The following WDR70 variants were observed in gnomAD, a reference collection of about 807,000 sequenced individuals.
WDR70 encodes the protein WD repeat-containing protein 70.
In WDR70, 53 loss-of-function variants were observed where a neutral mutation model predicts 88.6. The ratio of observed to expected loss-of-function variants is 0.60; its 90% CI spans 0.48 to 0.75. The LOEUF (loss-of-function observed/expected upper bound fraction) is 0.75, where lower values mean the gene tolerates loss of function less well. WDR70 is among the 30% of genes least tolerant of loss of function. The pLI is 0.00. For synonymous variants in WDR70, 280 were observed against 270.0 expected (o/e 1.04, Z -0.36); for missense variants, 610 against 823.2 (o/e 0.74, Z 3.17).
chr5:37,582,973 G>T (rs1266923213), intron 9 of WDR70, among the ~76,000 whole-genome samples: 2 of 152,190 alleles, frequency 1.3e-5, no homozygotes, highest in Non-Finnish European at 2.9e-5. Context: ...TTGCTCTGTT[G>T]ATCCTAGTAG....
chr5:37,484,830 C>G (rs1388129702), intron 8 of WDR70, among the ~76,000 whole-genome samples: 3 of 152,176 alleles, frequency 2.0e-5, no homozygotes, highest in African/African-American at 7.2e-5. Context: ...AGTGGACTAC[C>G]TGAGGATGTG....
intron 9 of WDR70, among the ~76,000 whole-genome samples, chr5:37,551,945 T>A (rs1039350072): frequency 2.0e-5 from 3 of 151,728 alleles, no homozygotes; most frequent in African/African-American, 7.3e-5. Flanking sequence ...CTAATTTTTG[T>A]ATTTTCAGTA....
At chr5:37,616,314 G>A (rs1744339210) in intron 10 of WDR70, among the ~76,000 whole-genome samples, 2 of 151,946 alleles carry the variant, frequency 1.3e-5, no homozygotes, top group South Asian at 2.1e-4. Context: ...TGCCATGTTG[G>A]CCAGGCTGGT....
chr5:37,643,302 G>A (rs1745153561), intron 10 of WDR70, among the ~76,000 whole-genome samples: 1 of 151,908 alleles, frequency 6.6e-6, no homozygotes, highest in Admixed American at 6.6e-5. Flanking sequence ...GTAGGTGTGT[G>A]GATTTATTTT....
chr5:37,487,280 AT>A (rs1739902141), intron 8 of WDR70, among the ~76,000 whole-genome samples: 1 of 152,010 alleles, frequency 6.6e-6, no homozygotes, highest in Non-Finnish European at 1.5e-5. Context: ...TGATATCTTA[AT>A]TGTAGTCATT....
chr5:37,535,392 A>G (rs374154230), intron 9 of WDR70, among the ~76,000 whole-genome samples: 1 of 152,206 alleles, frequency 6.6e-6, no homozygotes, highest in African/African-American at 2.4e-5. Flanking sequence ...ATTGGTAGGA[A>G]AAGTGAGAGT....
chr5:37,467,081 G>T (rs1455763984), intron 7 of WDR70, among the ~76,000 whole-genome samples: 1 of 151,864 alleles, frequency 6.6e-6, no homozygotes, highest in Non-Finnish European at 1.5e-5. Flanking sequence ...ACAAAAATTA[G>T]CTGGGCATGG....
At chr5:37,725,608 G>T (rs539217408) in intron 16 of WDR70, among the ~76,000 whole-genome samples, 1 of 152,116 alleles carries the variant, frequency 6.6e-6, no homozygotes, top group Non-Finnish European at 1.5e-5. Flanking sequence ...GTTATCATCT[G>T]TGTAGTTTCT....
chr5:37,482,998 C>T (rs189388444), intron 8 of WDR70, among the ~76,000 whole-genome samples: 39 of 150,298 alleles, frequency 2.6e-4, no homozygotes, highest in African/African-American at 8.3e-4. Context: ...GTGCGATGAT[C>T]ATGCTTGTGA....
intron 10 of WDR70, among the ~76,000 whole-genome samples, chr5:37,633,529 T>C (rs1744873951): frequency 6.6e-6 from 1 of 151,858 alleles, no homozygotes; most frequent in African/African-American, 2.4e-5. Flanking sequence ...ACTATTTTAA[T>C]TTTTAAACTT....
chr5:37,535,175 G>A (rs1256146109), intron 9 of WDR70, among the ~76,000 whole-genome samples: 1 of 152,004 alleles, frequency 6.6e-6, no homozygotes, highest in Non-Finnish European at 1.5e-5. Context: ...GAGTAGGAGA[G>A]AGGGGTCTAC....
At chr5:37,662,124 A>G (rs1036619348) in intron 10 of WDR70, among the ~76,000 whole-genome samples, 1 of 152,180 alleles carries the variant, frequency 6.6e-6, no homozygotes, top group African/African-American at 2.4e-5. Flanking sequence ...GATCTCTTTC[A>G]CTGCCATAAT....
At chr5:37,542,977 G>A (rs1188606566) in intron 9 of WDR70, among the ~76,000 whole-genome samples, 1 of 152,214 alleles carries the variant, frequency 6.6e-6, no homozygotes, top group Non-Finnish European at 1.5e-5. Context: ...AAGTTATGGT[G>A]TGTCCGTTTG....
At chr5:37,554,232 G>A (rs1010149451) in intron 9 of WDR70, among the ~76,000 whole-genome samples, 1 of 151,866 alleles carries the variant, frequency 6.6e-6, no homozygotes, top group Admixed American at 6.6e-5. Context: ...GTCTCTGCTA[G>A]GTCTTGGCCT....
At chr5:37,568,736 T>C (rs546983677) in intron 9 of WDR70, among the ~76,000 whole-genome samples, 33 of 152,310 alleles carry the variant, frequency 2.2e-4, no homozygotes, top group Admixed American at 2.1e-3. Flanking sequence ...GAGTGGGATA[T>C]TGATTGTAAA....
chr5:37,537,006 C>T (rs1741687292), intron 9 of WDR70, among the ~76,000 whole-genome samples: 1 of 152,094 alleles, frequency 6.6e-6, no homozygotes, highest in South Asian at 2.1e-4. Context: ...ATTTTATAAC[C>T]ATAGCCATAA....
intron 4 of WDR70, among the ~76,000 whole-genome samples, chr5:37,396,079 G>A (rs1267137803): frequency 6.6e-6 from 1 of 152,196 alleles, no homozygotes; most frequent in Non-Finnish European, 1.5e-5. Context: ...CGTTACAGGT[G>A]TGAGCCATTG....
At chr5:37,637,708 G>A (rs144038779) in intron 10 of WDR70, among the ~76,000 whole-genome samples, 76 of 152,222 alleles carry the variant, frequency 5.0e-4, no homozygotes, top group East Asian at 3.9e-3. Context: ...CACGTCTCCC[G>A]ATGCCATTAA....
intron 10 of WDR70, among the ~76,000 whole-genome samples, chr5:37,614,290 CCTT>C (rs2112492565): frequency 6.6e-6 from 1 of 152,258 alleles, no homozygotes; most frequent in South Asian, 2.1e-4. Context: ...AACACTGCGA[CCTT>C]CTGTTCTGCT....
Sources: allele counts gnomAD v4.1 joint callset (sites outside exome capture counted in the v4.1 genomes callset), GRCh38; gene constraint gnomAD v4.1.1; transcripts MANE v1.5; gene names NCBI Gene and HGNC (gene_info 2026-07-23, HGNC 2026-07-21).